ECPAS: variants seen among roughly 807,000 people sequenced by gnomAD.
ECPAS encodes Ecm29 proteasome adaptor and scaffold.
ECPAS carries 70 observed loss-of-function variants against 255.1 expected under a neutral mutation model. That is an observed-to-expected ratio of 0.27 (90% CI 0.23 to 0.33). The LOEUF (loss-of-function observed/expected upper bound fraction) is 0.33, where lower values mean the gene tolerates loss of function less well. Among genes scored for constraint, ECPAS ranks in the 10% least tolerant of loss-of-function variants. The pLI, the probability that ECPAS is intolerant of heterozygous loss-of-function variation, is 1.00. For missense variants in ECPAS, 1,817 were observed against 2,206.4 expected (o/e 0.82, Z 3.54); for synonymous variants, 784 against 775.0 (o/e 1.01, Z -0.19).
intron 6 of ECPAS, among the ~76,000 whole-genome samples, chr9:111,440,093 C>A (rs905763361): frequency 6.6e-6 from 1 of 151,872 alleles, no homozygotes; most frequent in Non-Finnish European, 1.5e-5. Context: ...AAACTCCTAG[C>A]CCCCAGTAAT....
At chr9:111,383,435 A>C (rs2098143148) in intron 34 of ECPAS, 103 bp from the exon 35 acceptor site, 5 of 1,393,828 alleles carry the variant, frequency 3.6e-6, no homozygotes, top group Non-Finnish European at 4.8e-6. Context: ...AGGGAAGAAT[A>C]AGTGAATCTA....
rs185702228 is a variant in ECPAS, at chr9:111,416,196, C to T, written c.1764+76G>A. The T allele has an allele frequency of 6.5e-5, 67 of 1,035,896 alleles. No individual in the cohort carries two copies. The African/African-American group carries it at 1.0e-3, about 16-fold the overall frequency. The allele number at this position is 1,035,896 out of a possible 1,614,324, so 64.2% of individuals were successfully genotyped here. On this transcript the variant is annotated intron_variant, in intron 18 of 49. Coordinates refer to ENST00000684092, the MANE Select transcript of ECPAS (RefSeq NM_001364929.1). ...GTTTACCTAAAACACAACAAAATGA[C>T]AGACCCCTCTTTGGGTGTGGTGTGA...
chr9:111,462,737 AAT>A (rs2098274613), intron 2 of ECPAS, among the ~76,000 whole-genome samples: 1 of 128,624 alleles, frequency 7.8e-6, no homozygotes, highest in Non-Finnish European at 1.6e-5. Context: ...ACATTCATGG[AAT>A]TTTTTTTTTT....
chr9:111,364,550 T>C (rs1240956230), intron 48 of ECPAS, among the ~76,000 whole-genome samples: 1 of 151,996 alleles, frequency 6.6e-6, no homozygotes, highest in Non-Finnish European at 1.5e-5. Context: ...AGTGCTAGAG[T>C]TGCAAAATCA....
At chr9:111,373,653 T>C (rs2098130063) in intron 39 of ECPAS, among the ~76,000 whole-genome samples, 1 of 152,184 alleles carries the variant, frequency 6.6e-6, no homozygotes, top group Admixed American at 6.5e-5. Flanking sequence ...ACTAGTCCAG[T>C]CTAGAAGCCA....
intron 8 of ECPAS, among the ~76,000 whole-genome samples, chr9:111,431,144 C>G (rs2098229349): frequency 6.6e-6 from 1 of 152,192 alleles, no homozygotes; most frequent in African/African-American, 2.4e-5. Context: ...TCCCAGCATC[C>G]CCCTCCTTCC....
At chr9:111,372,398 A>C (rs1347561474) in intron 42 of ECPAS, 31 bp downstream of exon 42, 1 of 1,578,388 alleles carries the variant, frequency 6.3e-7, no homozygotes, top group Non-Finnish European at 8.6e-7. Flanking sequence ...GATTCCTAAG[A>C]AGCAGGTTTA....
intron 1 of ECPAS, chr9:111,483,381 C>T (rs1218825891): frequency 1.0e-5 from 3 of 290,870 alleles, no homozygotes; most frequent in African/African-American, 2.3e-5. Context: ...CCCAGCTCCC[C>T]GTACGCCGCG....
At chr9:111,481,054 G>T (rs2098304172) in intron 1 of ECPAS, among the ~76,000 whole-genome samples, 1 of 152,140 alleles carries the variant, frequency 6.6e-6, no homozygotes, top group Admixed American at 6.5e-5. Context: ...ATGTCATACA[G>T]CATAGCAATT....
At chr9:111,407,432 A>AAAAAAAAAAAAAAAAAAAAAAC (rs2098186587) in intron 24 of ECPAS, among the ~76,000 whole-genome samples, 1 of 142,758 alleles carries the variant, frequency 7.0e-6, no homozygotes, top group Non-Finnish European at 1.6e-5. Flanking sequence ...AAAAAAAAAA[A>AAAAAAAAAAAAAAAAAAAAAAC]AAAAAACCTA....
intron 1 of ECPAS, among the ~76,000 whole-genome samples, chr9:111,476,977 TTTTTAG>T (rs1372366709): frequency 6.6e-6 from 1 of 152,004 alleles, no homozygotes; most frequent in Non-Finnish European, 1.5e-5. Flanking sequence ...TAATTTTGTA[TTTTTAG>T]TAGAGATGGG....
intron 24 of ECPAS, among the ~76,000 whole-genome samples, chr9:111,399,488 G>A (rs75919599): frequency 1.3e-5 from 2 of 152,064 alleles, no homozygotes; most frequent in African/African-American, 2.4e-5. Context: ...AGTAACACCC[G>A]GTCACAGCAT....
At chr9:111,391,257 GA>G (rs2098159570) in intron 29 of ECPAS, among the ~76,000 whole-genome samples, 1 of 136,246 alleles carries the variant, frequency 7.3e-6, no homozygotes, top group African/African-American at 3.3e-5. Flanking sequence ...ATCTAACTCA[GA>G]GTTTGTTTCC....
intron 2 of ECPAS, among the ~76,000 whole-genome samples, chr9:111,465,480 C>T (rs999171561): frequency 6.6e-6 from 1 of 152,012 alleles, no homozygotes; most frequent in African/African-American, 2.4e-5. Flanking sequence ...AAGGAGGTTG[C>T]AGTGAGCCGA....
At chr9:111,365,953 A>G (rs2098119955) in intron 48 of ECPAS, 1 of 415,014 alleles carries the variant, frequency 2.4e-6, no homozygotes, top group Admixed American at 4.1e-5. Context: ...GCAGAGTATT[A>G]CATGTACTGT....
At chr9:111,462,466 TCA>T (rs2098274306) in intron 2 of ECPAS, among the ~76,000 whole-genome samples, 1 of 152,178 alleles carries the variant, frequency 6.6e-6, no homozygotes, top group East Asian at 1.9e-4. Flanking sequence ...CTGTCAGTAT[TCA>T]CAGATTACAT....
At chr9:111,389,533 C>A (rs761160963) in intron 31 of ECPAS, 23 bp downstream of exon 31, 1 of 1,603,702 alleles carries the variant, frequency 6.2e-7, no homozygotes, top group Non-Finnish European at 8.5e-7. Flanking sequence ...GTTTTCCTAA[C>A]ACAGGGGTTC....
intron 48 of ECPAS, among the ~76,000 whole-genome samples, 170 bp from the exon 49 acceptor site, chr9:111,363,829 A>G (rs1054060684): frequency 6.6e-6 from 1 of 152,150 alleles, no homozygotes; most frequent in African/African-American, 2.4e-5. Flanking sequence ...CAAATACTTG[A>G]AATGTGTGCT....
intron 3 of ECPAS, among the ~76,000 whole-genome samples, chr9:111,447,143 G>A (rs1001027157): frequency 2.7e-5 from 4 of 146,772 alleles, no homozygotes; most frequent in South Asian, 2.1e-4. Context: ...TTTTTTTTCC[G>A]AGACAGGGTC....
Sources: gnomAD v4.1 joint callset for allele counts (sites outside exome capture counted in the v4.1 genomes callset) on GRCh38, gnomAD v4.1.1 for gene constraint, MANE v1.5 for transcripts, NCBI Gene and HGNC (gene_info 2026-07-23, HGNC 2026-07-21) for gene names.